FAAH2: variants seen among roughly 807,000 people sequenced by gnomAD.
The protein encoded by FAAH2 is fatty-acid amide hydrolase 2.
FAAH2 carries 60 observed loss-of-function variants against 36.9 expected under a neutral mutation model. The ratio of observed to expected loss-of-function variants is 1.63; its 90% CI spans 1.32 to 2.02. FAAH2 has a LOEUF of 2.02. FAAH2 is among the 30% of genes most tolerant of loss of function. The pLI is 0.00. For missense variants in FAAH2, 689 were observed against 397.5 expected (o/e 1.73, Z -6.23); for synonymous variants, 214 against 143.8 (o/e 1.49, Z -3.49).
intron 1 of FAAH2, 53 bp from the exon 2 acceptor site, chrX:57,292,445 A>G: frequency 1.9e-6 from 2 of 1,055,655 alleles, no homozygotes; most frequent in Non-Finnish European, 2.6e-6. Context: ...ATACTTGTTG[A>G]ATGAATTGTT....
intron 1 of FAAH2, chrX:57,290,279 T>A: frequency 1.3e-6 from 1 of 752,100 alleles, no homozygotes; most frequent in South Asian, 6.8e-5. Flanking sequence ...TTTGGGGTTG[T>A]ATACGTTGAT....
Position 57,393,369 on chromosome X carries a change from G to T in FAAH2, c.996+12340G>T, listed in dbSNP as rs2055213297. ...ACAGTGGCAACAAGCACCACCACGT[G>T]AGGGTGGAGACCGGAATACTGGGAT... On this transcript the variant is annotated intron_variant, in intron 7 of 10. Coordinates refer to ENST00000374900, the MANE Select transcript of FAAH2 (RefSeq NM_174912.4). 5.5e-6 allele frequency: 4 copies of T among 731,750 alleles called. No homozygotes were observed. The East Asian group carries it at 9.5e-5, about 17-fold the overall frequency. The allele number at this position is 731,750 out of a possible 1,213,427, so 60.3% of individuals were successfully genotyped here.
At chrX:57,314,850 A>G (rs777065652) in intron 3 of FAAH2, among the ~76,000 whole-genome samples, 8 of 111,738 alleles carry the variant, frequency 7.2e-5, no homozygotes, top group Non-Finnish European at 1.5e-4. Context: ...TCTCAAATTA[A>G]CAATATAACA....
At chrX:57,301,176 A>C (rs1402406394) in intron 2 of FAAH2, among the ~76,000 whole-genome samples, 1 of 109,382 alleles carries the variant, frequency 9.1e-6, no homozygotes, top group Non-Finnish European at 1.9e-5. Context: ...TGTTTATTGC[A>C]GCACTATTCA....
intron 8 of FAAH2, among the ~76,000 whole-genome samples, chrX:57,432,746 T>C (rs775734118): frequency 7.2e-5 from 8 of 111,557 alleles, no homozygotes; most frequent in Non-Finnish European, 1.5e-4. Flanking sequence ...AATGGGAATA[T>C]TTGTGTTAGA....
At chrX:57,433,285 C>T (rs2056342649) in intron 8 of FAAH2, among the ~76,000 whole-genome samples, 1 of 110,169 alleles carries the variant, frequency 9.1e-6, no homozygotes, top group Admixed American at 9.6e-5. Context: ...AATCTGCTCT[C>T]CTCTTACTTT....
intron 7 of FAAH2, among the ~76,000 whole-genome samples, chrX:57,422,115 C>A (rs763762252): frequency 1.8e-5 from 2 of 111,749 alleles, no homozygotes; most frequent in East Asian, 2.8e-4. Context: ...TAGCTCTCTA[C>A]CAGATACCAG....
intron 7 of FAAH2, among the ~76,000 whole-genome samples, chrX:57,418,250 C>T (rs1297978109): frequency 9.0e-6 from 1 of 110,911 alleles, no homozygotes; most frequent in African/African-American, 3.3e-5. Context: ...TTCTGTTTTC[C>T]TAGTGTTCCA....
At chrX:57,480,200 C>T (rs1279075783) in intron 10 of FAAH2, among the ~76,000 whole-genome samples, 2 of 111,485 alleles carry the variant, frequency 1.8e-5, no homozygotes, top group African/African-American at 3.3e-5. Context: ...GGAACTGGTA[C>T]CATTCCTTCT....
intron 5 of FAAH2, among the ~76,000 whole-genome samples, chrX:57,367,136 A>G (rs887628755): frequency 8.9e-6 from 1 of 112,891 alleles, no homozygotes; most frequent in East Asian, 2.8e-4. Context: ...ACATTGAAAT[A>G]TATCATGCAC....
intron 10 of FAAH2, among the ~76,000 whole-genome samples, chrX:57,479,803 T>G (rs1458428266): frequency 9.0e-6 from 1 of 111,498 alleles, no homozygotes; most frequent in African/African-American, 3.3e-5. Context: ...GAACCAGCCT[T>G]GCATCCCAGG....
At chrX:57,217,878 G>T in the FAAH2 span, among the ~76,000 whole-genome samples, 1 of 111,743 alleles carries the variant, frequency 8.9e-6, no homozygotes, top group African/African-American at 3.3e-5. Flanking sequence ...TGGCAGTATG[G>T]TCATTTTTAC....
chrX:57,189,139 C>T, the FAAH2 span, among the ~76,000 whole-genome samples: 1 of 110,538 alleles, frequency 9.0e-6, no homozygotes, highest in African/African-American at 3.3e-5. Context: ...GTAAGTTGAT[C>T]TTCAATCTCT....
intron 3 of FAAH2, among the ~76,000 whole-genome samples, chrX:57,325,216 A>T (rs1054991849): frequency 1.8e-5 from 2 of 111,565 alleles, no homozygotes; most frequent in East Asian, 2.8e-4. Context: ...ATAAGCTTTT[A>T]GATGTGCTGC....
chrX:57,446,741 C>T (rs1055245226), intron 8 of FAAH2, among the ~76,000 whole-genome samples, 187 bp from the exon 9 acceptor site: 10 of 111,822 alleles, frequency 8.9e-5, no homozygotes, highest in African/African-American at 3.2e-4. Context: ...TATATTGTAT[C>T]ATATATCAGC....
At chrX:57,259,630 G>A in the FAAH2 span, among the ~76,000 whole-genome samples, 2 of 111,597 alleles carry the variant, frequency 1.8e-5, no homozygotes, top group African/African-American at 3.3e-5. Flanking sequence ...GTTAGAGGTG[G>A]GGGAAATAGA....
chrX:57,165,758 G>A, the FAAH2 span, among the ~76,000 whole-genome samples: 1,288 of 111,302 alleles, frequency 0.012, 21 homozygotes, highest in African/African-American at 0.04. Context: ...AGCTGAGCAT[G>A]TATAATGGTA....
the FAAH2 span, among the ~76,000 whole-genome samples, chrX:57,179,657 T>C: frequency 9.0e-6 from 1 of 111,368 alleles, no homozygotes; most frequent in African/African-American, 3.3e-5. Context: ...TAAAATCCCA[T>C]ACAATAATAG....
At position 57,403,871 on chromosome X, in the gene FAAH2, A is replaced by G. The variant is rs1022890732; in HGVS notation, c.996+22842A>G. ...GTTAGGAAATCTGCTGGGTTAACGG[A>G]ATTTTCTGTGGTTAATGTTAAATTA... On this transcript the variant is annotated intron_variant, in intron 7 of 10. Transcript: ENST00000374900. 7.1e-5 allele frequency among the ~76,000 whole-genome samples: 8 copies of G among 112,426 alleles called. No homozygotes were observed. The South Asian group carries it at 2.9e-3, about 41-fold the overall frequency.
Sources: gnomAD v4.1 joint callset for allele counts (sites outside exome capture counted in the v4.1 genomes callset) on GRCh38, gnomAD v4.1.1 for gene constraint, MANE v1.5 for transcripts, NCBI Gene and HGNC (gene_info 2026-07-23, HGNC 2026-07-21) for gene names.